The following CELF4 variants were observed in gnomAD, a reference collection of about 807,000 sequenced individuals.
The protein encoded by CELF4 is CUG-BP- and ETR-3-like factor 4.
A neutral mutation model predicts 59.9 loss-of-function variants in CELF4; 18 were observed. The observed-to-expected ratio is 0.30, with a 90% CI of 0.21 to 0.45. CELF4 has a LOEUF of 0.45. Ranked by LOEUF, CELF4 falls within the 20% of genes least tolerant of loss-of-function variation. The pLI is 1.00. For synonymous variants in CELF4, 261 were observed against 267.1 expected (o/e 0.98, Z 0.22); for missense variants, 456 against 689.0 (o/e 0.66, Z 3.79).
chr18:37,357,373 C>T (rs576368199), intron 2 of CELF4, among the ~76,000 whole-genome samples: 71 of 152,296 alleles, frequency 4.7e-4, no homozygotes, highest in Middle Eastern at 3.4e-3. Flanking sequence ...GGAGCTTCCA[C>T]GTGGTGCTGA....
In CELF4 at chr18:37,389,406, AT is replaced by A. The variant is rs2099133522; in HGVS notation, c.370-67526del. Among the ~76,000 whole-genome samples the A allele has an allele frequency of 2.0e-5, 3 of 152,258 alleles. No individual in the cohort carries two copies. The South Asian group carries it at 6.2e-4, about 32-fold the overall frequency. ...GGCTAGACTTTATGACAATGGAAAT[AT>A]TTTTTTAATTGAGCCTTGCACCACC... On this transcript the variant is annotated intron_variant, in intron 2 of 12. Transcript: ENST00000420428.
intron 2 of CELF4, among the ~76,000 whole-genome samples, chr18:37,478,147 G>C (rs931756599): frequency 2.6e-5 from 4 of 152,200 alleles, no homozygotes; most frequent in African/African-American, 9.6e-5. Context: ...AGTAATGTGA[G>C]TAATGCTGAG....
intron 2 of CELF4, 75 bp downstream of exon 2, chr18:37,485,450 G>T: frequency 1.1e-6 from 1 of 936,096 alleles, no homozygotes. Context: ...CCCGCGCGCC[G>T]CGCCGCCGCC....
chr18:37,501,208 G>A (rs1180859874), intron 1 of CELF4, among the ~76,000 whole-genome samples: 1 of 152,246 alleles, frequency 6.6e-6, no homozygotes, highest in Non-Finnish European at 1.5e-5. Context: ...CGTTAGCTCA[G>A]ACGCCAGGAT....
chr18:37,496,328 T>A (rs2099925188), intron 1 of CELF4, among the ~76,000 whole-genome samples: 1 of 152,070 alleles, frequency 6.6e-6, no homozygotes, highest in African/African-American at 2.4e-5. Context: ...AGCCCCAGGA[T>A]GGGGTTTCAT....
In CELF4 at chr18:37,269,979, C is replaced by T. The variant is rs148946098; in HGVS notation, c.1099+789G>A. ...CATCCTCTGCCTCCAGGAAGCGGGG[C>T]GGCACTCCACATCGGGAGCACATTT... On this transcript the variant is annotated intron_variant, in intron 8 of 12. Transcript: ENST00000420428. 3.1e-3 allele frequency among the ~76,000 whole-genome samples: 474 copies of T among 152,260 alleles called. 1 individual carries two copies. Among genetic ancestry groups the T allele is most frequent in the Non-Finnish European group, 4.1e-3 (277 of 68,022 alleles).
chr18:37,290,942 C>T (rs2154415612), intron 3 of CELF4, among the ~76,000 whole-genome samples: 1 of 152,182 alleles, frequency 6.6e-6, no homozygotes. Context: ...GTTTTGCTTG[C>T]TCTTGTTGTC....
intron 1 of CELF4, among the ~76,000 whole-genome samples, chr18:37,491,234 C>G (rs895382328): frequency 6.8e-6 from 1 of 147,100 alleles, no homozygotes; most frequent in Non-Finnish European, 1.5e-5. Context: ...TCTCCTCACC[C>G]GAGAGGACGC....
Position 37,445,643 on chromosome 18 carries a change from A to C in CELF4, c.369+39882T>G, listed in dbSNP as rs116300739. ...CCCGCAAGGATGGGGTGGCAGATGCAGGGAGGCAGAGGCCCAGGGAGGGGC... is the reference window on the plus strand; with the variant it reads ...CCCGCAAGGATGGGGTGGCAGATGCCGGGAGGCAGAGGCCCAGGGAGGGGC... On this transcript the variant is annotated intron_variant, in intron 2 of 12. Coordinates refer to ENST00000420428, the MANE Select transcript of CELF4 (RefSeq NM_020180.4). 3.3e-5 allele frequency among the ~76,000 whole-genome samples: 5 copies of C among 152,184 alleles called. 1 individual carries two copies. Among genetic ancestry groups the C allele is most frequent in the Admixed American group, 3.3e-4 (5 of 15,286 alleles).
At chr18:37,518,186 C>T (rs112415912) in intron 1 of CELF4, among the ~76,000 whole-genome samples, 2,142 of 152,304 alleles carry the variant, frequency 0.014, 27 homozygotes, top group South Asian at 0.047. Context: ...GGTGGCTCCT[C>T]CCTGGCTTCT....
chr18:37,450,637 C>T (rs1446898194), intron 2 of CELF4, among the ~76,000 whole-genome samples: 1 of 152,080 alleles, frequency 6.6e-6, no homozygotes, highest in Non-Finnish European at 1.5e-5. Flanking sequence ...GGAATGTTGC[C>T]CTCCCTATCT....
intron 9 of CELF4, chr18:37,266,124 C>T (rs2077414353): frequency 3.2e-6 from 1 of 314,654 alleles, no homozygotes; most frequent in Non-Finnish European, 6.0e-6. Flanking sequence ...AACCAGGCAT[C>T]TGTGCTTCCT....
chr18:37,509,401 T>A (rs1603643009), intron 1 of CELF4, among the ~76,000 whole-genome samples: 1 of 152,132 alleles, frequency 6.6e-6, no homozygotes, highest in East Asian at 1.9e-4. Flanking sequence ...GGCATCTGAG[T>A]TTCTGGCATC....
chr18:37,325,608 C>CA (rs1269924293), intron 2 of CELF4, among the ~76,000 whole-genome samples: 11 of 152,188 alleles, frequency 7.2e-5, no homozygotes, highest in African/African-American at 2.2e-4. Flanking sequence ...AGACCTCCTC[C>CA]ATGGCGTGCT....
chr18:37,280,264 C>A (rs1189175043), intron 3 of CELF4, among the ~76,000 whole-genome samples: 1 of 58,112 alleles, frequency 1.7e-5, no homozygotes, highest in Non-Finnish European at 3.1e-5. Flanking sequence ...AGGGGCTGGA[C>A]AAAACCCCTG....
In CELF4 at chr18:37,472,883, C is replaced by T. The variant is rs374357601; in HGVS notation, c.369+12642G>A. On this transcript the variant is annotated intron_variant, in intron 2 of 12. Transcript: ENST00000420428. ...GCTGAGGACTGGGACTGGTTCTATGCGGGCATTTATGATGGTTAAGCTAGT... is the reference window on the plus strand; with the variant it reads ...GCTGAGGACTGGGACTGGTTCTATGTGGGCATTTATGATGGTTAAGCTAGT... 5.3e-5 allele frequency among the ~76,000 whole-genome samples: 8 copies of T among 152,150 alleles called. No homozygotes were observed. In the East Asian group the frequency reaches 5.8e-4, roughly 11 times the overall value.
chr18:37,485,126 G>A (rs1247557315), intron 2 of CELF4, among the ~76,000 whole-genome samples: 1 of 152,098 alleles, frequency 6.6e-6, no homozygotes, highest in Non-Finnish European at 1.5e-5. Context: ...TAAATAAACC[G>A]CGGTGATCTC....
At chr18:37,388,564 C>T (rs575839826) in intron 2 of CELF4, among the ~76,000 whole-genome samples, 17 of 152,240 alleles carry the variant, frequency 1.1e-4, no homozygotes, top group African/African-American at 3.9e-4. Flanking sequence ...CTCTAGCTTT[C>T]CTGTTGCATT....
chr18:37,252,836 G>C (rs1481100964), intron 12 of CELF4, among the ~76,000 whole-genome samples: 1 of 151,748 alleles, frequency 6.6e-6, no homozygotes, highest in Non-Finnish European at 1.5e-5. Context: ...ACACAATACT[G>C]CTGAATAAAT....
Sources: allele counts gnomAD v4.1 joint callset (sites outside exome capture counted in the v4.1 genomes callset), GRCh38; gene constraint gnomAD v4.1.1; transcripts MANE v1.5; gene names NCBI Gene and HGNC (gene_info 2026-07-23, HGNC 2026-07-21).